The following DCDC1 variants were observed in gnomAD, a reference collection of about 807,000 sequenced individuals.
The protein encoded by DCDC1 is doublecortin domain-containing protein 1.
In DCDC1, 200 loss-of-function variants were observed where a neutral mutation model predicts 178.3. That is an observed-to-expected ratio of 1.12 (90% confidence interval 1.00 to 1.26). The LOEUF (loss-of-function observed/expected upper bound fraction) is 1.26, where lower values mean the gene tolerates loss of function less well. Ranked by LOEUF, DCDC1 falls within the 50% of genes most tolerant of loss-of-function variation. DCDC1 has a pLI of 0.00. For synonymous variants in DCDC1, 690 were observed against 604.8 expected (o/e 1.14, Z -2.07); for missense variants, 1,983 against 1,749.2 (o/e 1.13, Z -2.38).
intron 20 of DCDC1, among the ~76,000 whole-genome samples, chr11:31,055,211 T>C (rs1161740717): frequency 1.3e-5 from 2 of 151,920 alleles, no homozygotes; most frequent in East Asian, 1.9e-4. Context: ...GATATACAAA[T>C]GGCCAACAAA....
chr11:30,980,575 T>C (rs1014026639), intron 20 of DCDC1, among the ~76,000 whole-genome samples: 3 of 152,144 alleles, frequency 2.0e-5, no homozygotes, highest in Non-Finnish European at 2.9e-5. Flanking sequence ...TTGGATAGAG[T>C]TGTGGCTGTG....
chr11:31,065,054 C>G lies in DCDC1; in HGVS notation c.2398G>C (p.Ala800Pro). The G allele has an allele frequency of 1.3e-6, 1 of 764,934 alleles. No homozygotes were observed. 47.4% of individuals were successfully genotyped at this position (764,934 alleles called of 1,614,324 possible). A position where few individuals can be genotyped will look rare whatever the true frequency, so the allele number is the denominator to read the frequency against. ...YHIHHGAWTTAHQEHGRNLAE... is the reference protein window; with the variant it reads ...YHIHHGAWTTPHQEHGRNLAE... ...AAGTTTCTGCCATGTTCCTGATGAG[C>G]TGTGGTCCAGGCACCATGGTGAATG... The change falls in exon 19 of 39, where the codon GCT becomes CCT. Residue 800 changes from alanine (A) to proline (P), a missense_variant. Coordinates refer to ENST00000684477, the MANE Select transcript of DCDC1 (RefSeq NM_001387274.1).
At position 30,937,882 on chromosome 11, in the gene DCDC1, C is replaced by T. The variant is rs115205344; in HGVS notation, c.2716-5930G>A. Among the ~76,000 whole-genome samples, 688 of 152,236 alleles carry T rather than the reference C, an allele frequency of 4.5e-3. 8 individuals carry two copies. The highest frequency in any genetic ancestry group is 0.015 in the African/African-American group (617 of 41,534). ...CCATTTACCCTTCCATAACCTGAAT[C>T]CTTTCTACCGCCTGCTGACAAACAG... On this transcript the variant is annotated intron_variant, in intron 21 of 38. Coordinates refer to ENST00000684477, the MANE Select transcript of DCDC1 (RefSeq NM_001387274.1).
intron 15 of DCDC1, among the ~76,000 whole-genome samples, chr11:31,094,800 T>A (rs1045067145): frequency 6.6e-6 from 1 of 152,108 alleles, no homozygotes; most frequent in African/African-American, 2.4e-5. Flanking sequence ...CCTTCTTTTT[T>A]TTTATATATA....
At chr11:31,244,377 C>T (rs1016190242) in intron 8 of DCDC1, among the ~76,000 whole-genome samples, 2 of 151,644 alleles carry the variant, frequency 1.3e-5, no homozygotes, top group Non-Finnish European at 3.0e-5. Context: ...CAATGGTTTT[C>T]TTCTCTTTTA....
At chr11:31,279,239 C>CT (rs371559594) in intron 7 of DCDC1, among the ~76,000 whole-genome samples, 23 of 150,804 alleles carry the variant, frequency 1.5e-4, no homozygotes, top group African/African-American at 3.9e-4. Context: ...ATTTCATTTT[C>CT]TTTTTTTTGT....
chr11:31,230,473 C>A (rs1378648935), intron 9 of DCDC1, among the ~76,000 whole-genome samples: 2 of 152,224 alleles, frequency 1.3e-5, no homozygotes, highest in Admixed American at 1.3e-4. Flanking sequence ...TGGAAAAATG[C>A]GGTACTAACT....
chr11:31,160,397 A>G (rs1381851808), intron 9 of DCDC1, among the ~76,000 whole-genome samples: 1 of 152,210 alleles, frequency 6.6e-6, no homozygotes, highest in Non-Finnish European at 1.5e-5. Flanking sequence ...TAAAAACTTT[A>G]TGCTATATAA....
intron 1 of DCDC1, among the ~76,000 whole-genome samples, chr11:31,367,693 T>C (rs1952032856): frequency 6.6e-6 from 1 of 152,174 alleles, no homozygotes; most frequent in African/African-American, 2.4e-5. Context: ...TTTGAAGACT[T>C]AGTAGGAGAA....
chr11:31,228,431 T>A (rs1975297892), intron 9 of DCDC1, among the ~76,000 whole-genome samples: 1 of 152,098 alleles, frequency 6.6e-6, no homozygotes, highest in Admixed American at 6.6e-5. Flanking sequence ...GAGGGAAATT[T>A]ATAGCATTAA....
chr11:30,991,741 A>G (rs925203558), intron 20 of DCDC1, among the ~76,000 whole-genome samples: 5 of 152,224 alleles, frequency 3.3e-5, no homozygotes, highest in African/African-American at 1.2e-4. Flanking sequence ...AAGTTTATTT[A>G]TGAAAGATTT....
intron 17 of DCDC1, among the ~76,000 whole-genome samples, chr11:31,085,150 CTTAA>C (rs1245202523): frequency 6.7e-6 from 1 of 150,374 alleles, no homozygotes; most frequent in Non-Finnish European, 1.5e-5. Flanking sequence ...TTTATTTTTT[CTTAA>C]TTGTTTTTAA....
intron 9 of DCDC1, among the ~76,000 whole-genome samples, chr11:31,235,043 A>G (rs1355589601): frequency 6.6e-6 from 1 of 152,160 alleles, no homozygotes; most frequent in Non-Finnish European, 1.5e-5. Flanking sequence ...TTAAAATGCA[A>G]TATTTCTACC....
At chr11:31,149,281 G>A (rs1031225730) in intron 9 of DCDC1, among the ~76,000 whole-genome samples, 4 of 152,088 alleles carry the variant, frequency 2.6e-5, no homozygotes, top group Non-Finnish European at 4.4e-5. Context: ...GGGTCAAGAG[G>A]GTACTTGGAG....
rs190949600 is a variant in DCDC1 at position 31,110,050 on chromosome 11, T to C, written c.1587+210A>G. On this transcript the variant is annotated intron_variant, in intron 12 of 38. Coordinates refer to ENST00000684477, the MANE Select transcript of DCDC1 (RefSeq NM_001387274.1). Reference sequence around the variant, plus strand: ...TTCCAAATATAAGCATGAAGAAGGTTAAGAAACCATTAGGTATGGAGTTCA... The same window carrying C: ...TTCCAAATATAAGCATGAAGAAGGTCAAGAAACCATTAGGTATGGAGTTCA... 1.6e-4 allele frequency among the ~76,000 whole-genome samples: 25 copies of C among 152,266 alleles called. No individual in the cohort carries two copies. The Middle Eastern group carries it at 0.01, about 62-fold the overall frequency.
intron 9 of DCDC1, among the ~76,000 whole-genome samples, chr11:31,240,776 G>A (rs1977041887): frequency 6.6e-6 from 1 of 151,916 alleles, no homozygotes; most frequent in South Asian, 2.1e-4. Context: ...TGTTATAAAT[G>A]GCATCAGTTA....
intron 20 of DCDC1, among the ~76,000 whole-genome samples, chr11:30,960,765 A>C (rs1386835017): frequency 6.7e-6 from 1 of 149,944 alleles, no homozygotes; most frequent in Non-Finnish European, 1.5e-5. Flanking sequence ...GGAAGGACCT[A>C]CTTGAAAACA....
chr11:31,172,893 G>A (rs1230522491), intron 9 of DCDC1, among the ~76,000 whole-genome samples: 1 of 152,014 alleles, frequency 6.6e-6, no homozygotes, highest in Non-Finnish European at 1.5e-5. Flanking sequence ...CCATGTTCAA[G>A]GATCGACTGT....
intron 9 of DCDC1, among the ~76,000 whole-genome samples, chr11:31,210,771 C>T (rs1565436996): frequency 6.6e-6 from 1 of 151,326 alleles, no homozygotes; most frequent in African/African-American, 2.4e-5. Context: ...AGAGAATGGA[C>T]CAAGCACTGT....
Sources: allele counts gnomAD v4.1 joint callset (sites outside exome capture counted in the v4.1 genomes callset), GRCh38; gene constraint gnomAD v4.1.1; transcripts MANE v1.5; gene names NCBI Gene and HGNC (gene_info 2026-07-23, HGNC 2026-07-21).